Variants in TCF4 observed in about 807,000 individuals in gnomAD.
TCF4 encodes transcription factor 4, also known as SL3-3 enhancer factor 2.
In TCF4, 3 loss-of-function variants were observed where a neutral mutation model predicts 82.1. The observed-to-expected ratio is 0.04, with a 90% confidence interval of 0.02 to 0.09. TCF4 has a LOEUF of 0.09. TCF4 is among the 10% of genes least tolerant of loss of function. The pLI is 1.00. For synonymous variants in TCF4, 276 were observed against 309.6 expected, an observed-to-expected ratio of 0.89 and a Z score of 1.14; for missense variants, 518 against 852.7, an observed-to-expected ratio of 0.61 and a Z score of 4.89.
intron 8 of TCF4, among the ~76,000 whole-genome samples, chr18:55,317,278 A>G (rs2074376661): frequency 1.3e-5 from 2 of 152,112 alleles, no homozygotes; most frequent in Admixed American, 1.3e-4. Flanking sequence ...CCAGTGGGGA[A>G]TTTAAAAATT....
At chr18:55,442,206 G>T (rs1025407321) in intron 5 of TCF4, among the ~76,000 whole-genome samples, 31 of 152,244 alleles carry the variant, frequency 2.0e-4, no homozygotes, top group Middle Eastern at 3.4e-3. Context: ...TGGCTATTGG[G>T]TCATTTTCCA....
At chr18:55,300,773 G>A (rs1221455440) in intron 8 of TCF4, among the ~76,000 whole-genome samples, 4 of 151,974 alleles carry the variant, frequency 2.6e-5, no homozygotes, top group Non-Finnish European at 5.9e-5. Context: ...CCTTGAGAGG[G>A]ATGAAATTGC....
chr18:55,260,419 T>G (rs1204513664), intron 12 of TCF4, among the ~76,000 whole-genome samples: 4 of 152,198 alleles, frequency 2.6e-5, no homozygotes, highest in African/African-American at 9.6e-5. Flanking sequence ...TCTAGGCGTT[T>G]GATTGCATAG....
intron 3 of TCF4, among the ~76,000 whole-genome samples, chr18:55,497,550 G>A (rs907601223): frequency 6.6e-6 from 1 of 152,078 alleles, no homozygotes; most frequent in Non-Finnish European, 1.5e-5. Context: ...GATTAGTTCA[G>A]ATCTTTTTAA....
At chr18:55,366,378 CTA>C (rs1218558189) in intron 6 of TCF4, among the ~76,000 whole-genome samples, 1 of 152,118 alleles carries the variant, frequency 6.6e-6, no homozygotes, top group Non-Finnish European at 1.5e-5. Flanking sequence ...AAATAATAAT[CTA>C]TATATACATT....
At chr18:55,478,091 G>C (rs570016802) in intron 3 of TCF4, among the ~76,000 whole-genome samples, 1 of 152,200 alleles carries the variant, frequency 6.6e-6, no homozygotes, top group Non-Finnish European at 1.5e-5. Flanking sequence ...CATCTTGAGA[G>C]AAAACAAGAA....
intron 12 of TCF4, chr18:55,261,024 C>T (rs2057952578): frequency 6.3e-6 from 1 of 159,626 alleles, no homozygotes; most frequent in Admixed American, 6.0e-5. Context: ...CTGAGTCCCC[C>T]AGGTGCCAAT....
upstream of TCF4, among the ~76,000 whole-genome samples, chr18:55,591,921 C>T (rs532733340): frequency 5.3e-5 from 8 of 152,276 alleles, no homozygotes; most frequent in South Asian, 6.2e-4. Context: ...GTTGCTTCTT[C>T]GTTTTTTGAC....
intron 6 of TCF4, chr18:55,400,978 C>G (rs746210639): frequency 4.7e-6 from 6 of 1,288,950 alleles, no homozygotes; most frequent in South Asian, 2.5e-5. Context: ...AAAACAAAAG[C>G]CTCCCCTCCA....
intron 6 of TCF4, among the ~76,000 whole-genome samples, chr18:55,369,042 A>C (rs185624958): frequency 1.1e-3 from 163 of 152,352 alleles, no homozygotes; most frequent in Admixed American, 2.4e-3. Flanking sequence ...ATATTTCAGG[A>C]ACATAAAGTG....
chr18:55,545,341 A>G (rs950594159), intron 3 of TCF4, among the ~76,000 whole-genome samples: 1 of 152,242 alleles, frequency 6.6e-6, no homozygotes, highest in Non-Finnish European at 1.5e-5. Context: ...TCTTCTAGTC[A>G]AGCAACAGGT....
chr18:55,439,130 T>G (rs2095389164), intron 5 of TCF4, among the ~76,000 whole-genome samples: 1 of 152,184 alleles, frequency 6.6e-6, no homozygotes, highest in South Asian at 2.1e-4. Flanking sequence ...AAGTATAGCC[T>G]CTTGCTCAGG....
rs1186222123 is a variant in TCF4, at chr18:55,303,264, C to CACAT, written c.550-23609_550-23608insATGT. Among the ~76,000 whole-genome samples, 18 of 146,796 alleles carry CACAT rather than the reference C, an allele frequency of 1.2e-4. No homozygotes were observed. The East Asian group carries it at 3.3e-3, about 27-fold the overall frequency. On this transcript the variant is annotated intron_variant, in intron 8 of 19. Coordinates refer to ENST00000354452, the MANE Select transcript of TCF4 (RefSeq NM_001083962.2). ...ACACACACACACACACACACACACA[C>CACAT]ACACCCCTACACACCTGACCCAGCT...
intron 3 of TCF4, among the ~76,000 whole-genome samples, chr18:55,497,683 G>A (rs774887139): frequency 1.6e-4 from 24 of 152,146 alleles, no homozygotes; most frequent in Non-Finnish European, 2.9e-4. Flanking sequence ...TTGAGTTCAT[G>A]TAAAGCTATT....
rs971267435 is a variant in TCF4, at chr18:55,606,758, C to T, written c.287-19622G>A. ...TCGTATTTATTCAGTAATACTTGTT[C>T]TCCTGGTGACAACTGAATGACAATT... On this transcript the variant is annotated intron_variant, in intron 2 of 20. Transcript: ENST00000398339. Among the ~76,000 whole-genome samples, 7 of 152,186 alleles carry T rather than the reference C, an allele frequency of 4.6e-5. 1 individual carries two copies. Among genetic ancestry groups the T allele is most frequent in the Non-Finnish European group, 8.8e-5 (6 of 68,034 alleles).
chr18:55,315,377 A>G (rs2073864548), intron 8 of TCF4, among the ~76,000 whole-genome samples: 1 of 152,330 alleles, frequency 6.6e-6, no homozygotes. Flanking sequence ...TAGGAAGAAA[A>G]CTAGGTAAAC....
intron 2 of TCF4, among the ~76,000 whole-genome samples, chr18:55,627,259 T>C (rs753519223): frequency 1.3e-5 from 2 of 152,166 alleles, no homozygotes; most frequent in African/African-American, 2.4e-5. Context: ...AACAAACATA[T>C]TGAGCATTGA....
At chr18:55,449,799 C>A (rs1253593796) in intron 5 of TCF4, among the ~76,000 whole-genome samples, 1 of 152,176 alleles carries the variant, frequency 6.6e-6, no homozygotes, top group Non-Finnish European at 1.5e-5. Context: ...CCCTTCTCCA[C>A]CAAATGTTAT....
chr18:55,421,706 AT>A (rs1395076495), intron 5 of TCF4, among the ~76,000 whole-genome samples: 1 of 152,150 alleles, frequency 6.6e-6, no homozygotes, highest in East Asian at 1.9e-4. Flanking sequence ...AATAATCATC[AT>A]TTTTTAACCT....
Sources: gnomAD v4.1 joint callset for allele counts (sites outside exome capture counted in the v4.1 genomes callset) on GRCh38, gnomAD v4.1.1 for gene constraint, MANE v1.5 for transcripts, NCBI Gene and HGNC (gene_info 2026-07-23, HGNC 2026-07-21) for gene names.